PLEKHG3: variants seen among roughly 807,000 people sequenced by gnomAD.
PLEKHG3 encodes pleckstrin homology domain-containing family G member 3.
In PLEKHG3, 62 loss-of-function variants were observed where a neutral mutation model predicts 94.9. The ratio of observed to expected loss-of-function variants is 0.65; its 90% CI spans 0.53 to 0.81. The LOEUF (loss-of-function observed/expected upper bound fraction) is 0.81. PLEKHG3 is among the 30% of genes least tolerant of loss of function. The probability of loss-of-function intolerance (pLI) is 0.00; values close to 1 mark genes in which losing one functional copy is unlikely to be tolerated. For missense variants in PLEKHG3, 1,461 were observed against 1,619.3 expected, an observed-to-expected ratio of 0.90 and a Z score of 1.68; for synonymous variants, 614 against 654.0, an observed-to-expected ratio of 0.94 and a Z score of 0.93.
chr14:64,707,135 C>G (rs1428713803), intron 1 of PLEKHG3, among the ~76,000 whole-genome samples: 12 of 152,204 alleles, frequency 7.9e-5, no homozygotes, highest in Non-Finnish European at 1.2e-4. Context: ...GCTGCAAACC[C>G]GCCCTACTCC....
Position 64,731,347 on chromosome 14 carries a change from C to T in PLEKHG3, c.850-14C>T. 6.2e-7 allele frequency: 1 copy of T among 1,610,070 alleles called. No homozygotes were observed. ...AGTGGCCTGACTCTAGGGATTGGGG[C>T]CCCTCTGCTGCAGGAGATTCAGTCA... On this transcript the variant is annotated splice_polypyrimidine_tract_variant and intron_variant, in intron 7 of 16. Transcript: ENST00000247226. This position sits in a 1 kb window ranked among gnomAD's most constrained non-coding sequence, Gnocchi z 6.1.
At position 64,743,131 on chromosome 14, in the gene PLEKHG3, G is replaced by T. The variant is rs1311667711; in HGVS notation, c.3088G>T (p.Gly1030Trp). 1.9e-6 allele frequency: 3 copies of T among 1,611,664 alleles called. No homozygotes were observed. In the Admixed American group the frequency reaches 5.0e-5, roughly 27 times the overall value. ...SAVSQRTTSP[G>W]GRPSARSPLS... ...TGTCAGCCAGAGGACCACCTCGCCT[G>T]GGGGCCGGCCCTCCGCCCGGAGCCC... is the stretch of plus-strand genomic sequence containing the variant. Residue 1030 changes from glycine to tryptophan, a missense_variant, in exon 17 of 17, where the codon GGG becomes TGG. Coordinates refer to ENST00000247226, the MANE Select transcript of PLEKHG3 (RefSeq NM_001308147.2). This position sits in a 1 kb window ranked among gnomAD's most constrained non-coding sequence, Gnocchi z 7.2.
chr14:64,743,854 C>T lies in PLEKHG3; in HGVS notation c.*151C>T, dbSNP rs542036377. ...CTCCGCCCTTCAGGAAGGATGCTCC[C>T]GTGTGCAGGGGTCTCCTGCCTGTGC... On this transcript the variant is annotated 3_prime_UTR_variant, in exon 17 of 17. Transcript: ENST00000247226. The surrounding 1 kb of genome is among the most constrained non-coding windows in gnomAD (Gnocchi z 7.2). 31 of 803,092 alleles carry T rather than the reference C, an allele frequency of 3.9e-5. No individual in the cohort carries two copies. The highest frequency in any genetic ancestry group is 1.0e-4 in the African/African-American group (6 of 57,424). The allele number at this position is 803,092 out of a possible 1,614,324, so 49.7% of individuals were successfully genotyped here.
chr14:64,749,023 G>A lies in PLEKHG3; in HGVS notation c.*5320G>A, dbSNP rs2081895846. 2 of 347,730 alleles carry A rather than the reference G, an allele frequency of 5.8e-6. No homozygotes were observed. The highest frequency in any genetic ancestry group is 4.5e-5 in the African/African-American group (2 of 43,986). The allele number at this position is 347,730 out of a possible 1,614,324, so 21.5% of individuals were successfully genotyped here. A position where few individuals can be genotyped will look rare whatever the true frequency, so the allele number is the denominator to read the frequency against. On this transcript the variant is annotated 3_prime_UTR_variant, in exon 17 of 17. Transcript: ENST00000247226. The surrounding 1 kb of genome is among the most constrained non-coding windows in gnomAD (Gnocchi z 4.7). ...GTGGGAGAGGAGGGCGTGTGCCTCA[G>A]AGAACCGTTTCCTGCCCCCAGGCCT...
Position 64,728,451 on chromosome 14 carries a change from AGTTTCCTAGG to A in PLEKHG3, c.351+471_351+480del, listed in dbSNP as rs1235394216. Among the ~76,000 whole-genome samples the A allele has an allele frequency of 6.6e-6, 1 of 152,266 alleles. No homozygotes were observed. The highest frequency in any genetic ancestry group is 1.5e-5 in the Non-Finnish European group (1 of 68,046). On this transcript the variant is annotated intron_variant, in intron 2 of 16. Transcript: ENST00000247226. This position sits in a 1 kb window ranked among gnomAD's most constrained non-coding sequence, Gnocchi z 5.9. ...GCCCCACTGGCTCAGGGCGTGGATTAGTTTCCTAGGGCTGCCTTAACAAATGACCACACAC... is the reference window on the plus strand; with the variant it reads ...GCCCCACTGGCTCAGGGCGTGGATTAGCTGCCTTAACAAATGACCACACAC...
At position 64,742,983 on chromosome 14, in the gene PLEKHG3, T is replaced by C; in HGVS notation, c.2940T>C (p.Gly980=). 1 of 1,613,274 alleles carries C rather than the reference T, an allele frequency of 6.2e-7. No individual in the cohort carries two copies. The highest frequency in any genetic ancestry group is 8.5e-7 in the Non-Finnish European group (1 of 1,179,900). ...EEAGEPLGGK[G]KRKPVLSLFD... is the part of the protein sequence containing the mutation. ...AGGCAGCTTGCTCTCTCCTCATAGG[T>C]AAGAGGAAGCCGGTGCTGTCTCTAT... Residue 980 remains glycine, a splice_region_variant and synonymous_variant, in exon 17 of 17, where the codon GGT becomes GGC. Transcript: ENST00000247226.
Position 64,718,621 on chromosome 14 carries a change from T to A in PLEKHG3, c.-39-8972T>A, listed in dbSNP as rs995365916. ...AGGCACAAAGAGCCCGCTGACTTGC[T>A]CCTGATCATACAGTGGCTAGGCAGA... On this transcript the variant is annotated intron_variant, in intron 1 of 16. Coordinates refer to ENST00000247226, the MANE Select transcript of PLEKHG3 (RefSeq NM_001308147.2). This position sits in a 1 kb window ranked among gnomAD's most constrained non-coding sequence, Gnocchi z 5.0. Among the ~76,000 whole-genome samples, 1 of 152,200 alleles carries A rather than the reference T, an allele frequency of 6.6e-6. No individual in the cohort carries two copies. The highest frequency in any genetic ancestry group is 1.5e-5 in the Non-Finnish European group (1 of 68,028).
At chr14:64,706,541 A>G (rs2140293550) in intron 1 of PLEKHG3, among the ~76,000 whole-genome samples, 1 of 152,338 alleles carries the variant, frequency 6.6e-6, no homozygotes, top group East Asian at 1.9e-4. Context: ...TCCTGTTAAA[A>G]CTAAAGGGCT....
rs556176113 is a variant in PLEKHG3 at position 64,720,940 on chromosome 14, A to G, written c.-39-6653A>G. Among the ~76,000 whole-genome samples, 27 of 152,122 alleles carry G rather than the reference A, an allele frequency of 1.8e-4. No individual in the cohort carries two copies. Among genetic ancestry groups the G allele is most frequent in the African/African-American group, 6.0e-4 (25 of 41,490 alleles). On this transcript the variant is annotated intron_variant, in intron 1 of 16. Coordinates refer to ENST00000247226, the MANE Select transcript of PLEKHG3 (RefSeq NM_001308147.2). This position sits in a 1 kb window ranked among gnomAD's most constrained non-coding sequence, Gnocchi z 4.1. ...CTCTGTCCCTCTGCTTTTATTGTCA[A>G]ACTTCTGTCTGACTCTGACTCCTGC... is the stretch of plus-strand genomic sequence containing the variant.
At position 64,745,677 on chromosome 14, in the gene PLEKHG3, A is replaced by C. The variant is rs229648; in HGVS notation, c.*1974A>C. On this transcript the variant is annotated 3_prime_UTR_variant, in exon 17 of 17. Coordinates refer to ENST00000247226, the MANE Select transcript of PLEKHG3 (RefSeq NM_001308147.2). The surrounding 1 kb of genome is among the most constrained non-coding windows in gnomAD (Gnocchi z 5.0). ...CAGGGCAGCTGCCAGACCAGGGGCTATCTCTGCCCTGCGCTGCTTCTGCTC... is the reference window on the plus strand; with the variant it reads ...CAGGGCAGCTGCCAGACCAGGGGCTCTCTCTGCCCTGCGCTGCTTCTGCTC... 2 of 152,196 alleles carry C rather than the reference A, an allele frequency of 1.3e-5. No homozygotes were observed. The highest frequency in any genetic ancestry group is 4.8e-5 in the African/African-American group (2 of 41,434). 9.4% of individuals were successfully genotyped at this position (152,196 alleles called of 1,614,324 possible).
In PLEKHG3 at chr14:64,716,468, C is replaced by CACACA. The variant is rs1566693922; in HGVS notation, c.-39-11124_-39-11120dup. 3.2e-5 allele frequency among the ~76,000 whole-genome samples: 3 copies of CACACA among 92,684 alleles called. No individual in the cohort carries two copies. The highest frequency in any genetic ancestry group is 7.8e-4 in the South Asian group (2 of 2,566). 60.8% of individuals were successfully genotyped at this position (92,684 alleles called of 152,430 possible). A position where few individuals can be genotyped will look rare whatever the true frequency, so the allele number is the denominator to read the frequency against. Reference sequence around the variant, plus strand: ...CACACACACACACACACACACACAACACACACACACACAACACACACACAC... The same window carrying CACACA: ...CACACACACACACACACACACACAACACACAACACACACACACAACACACACACAC... On this transcript the variant is annotated intron_variant, in intron 1 of 16. Transcript: ENST00000247226. The surrounding 1 kb of genome is among the most constrained non-coding windows in gnomAD (Gnocchi z 5.0).
chr14:64,727,890 G>T lies in PLEKHG3; in HGVS notation c.259G>T (p.Ala87Ser). 6.2e-7 allele frequency: 1 copy of T among 1,613,028 alleles called. No homozygotes were observed. The change falls in exon 2 of 17, where the codon GCA (alanine) becomes TCA (serine). Residue 87 changes from alanine to serine, a missense_variant. Coordinates refer to ENST00000247226, the MANE Select transcript of PLEKHG3 (RefSeq NM_001308147.2). The surrounding 1 kb of genome is among the most constrained non-coding windows in gnomAD (Gnocchi z 6.0). ...PFNSRAAAGP[A>S]HHKLSYLGRV... ...CAACAGCCGGGCAGCGGCAGGGCCTGCACACCACAAGCTCAGCTACCTGGG... is the reference window on the plus strand; with the variant it reads ...CAACAGCCGGGCAGCGGCAGGGCCTTCACACCACAAGCTCAGCTACCTGGG...
At chr14:64,713,853 G>T (rs1329420437) in intron 1 of PLEKHG3, among the ~76,000 whole-genome samples, 2 of 151,464 alleles carry the variant, frequency 1.3e-5, no homozygotes, top group African/African-American at 4.9e-5. Flanking sequence ...GATTTCTTCA[G>T]TTTATCTTTC....
chr14:64,727,548 G>T lies in PLEKHG3; in HGVS notation c.-39-45G>T. ...GCAACCGTCCCTCTGTTCTGTTTCTGTGGGCATTCAGAGGTTGACCCTTCA... is the reference window on the plus strand; with the variant it reads ...GCAACCGTCCCTCTGTTCTGTTTCTTTGGGCATTCAGAGGTTGACCCTTCA... On this transcript the variant is annotated intron_variant, in intron 1 of 16. Transcript: ENST00000247226. The surrounding 1 kb of genome is among the most constrained non-coding windows in gnomAD (Gnocchi z 6.0). The T allele has an allele frequency of 1.8e-5, 8 of 450,754 alleles. No individual in the cohort carries two copies. Among genetic ancestry groups the T allele is most frequent in the South Asian group, 5.8e-5 (3 of 51,378 alleles). The allele number at this position is 450,754 out of a possible 1,614,324, so 27.9% of individuals were successfully genotyped here. A position where few individuals can be genotyped will look rare whatever the true frequency, so the allele number is the denominator to read the frequency against.
At chr14:64,724,844 C>G (rs1446207674) in intron 1 of PLEKHG3, among the ~76,000 whole-genome samples, 1 of 152,210 alleles carries the variant, frequency 6.6e-6, no homozygotes, top group Non-Finnish European at 1.5e-5. Flanking sequence ...AGTCCAGGCT[C>G]TACCACTTAC....
Position 64,715,599 on chromosome 14 carries a change from C to A in PLEKHG3, c.-40+10895C>A. On this transcript the variant is annotated intron_variant, in intron 1 of 16. Coordinates refer to ENST00000247226, the MANE Select transcript of PLEKHG3 (RefSeq NM_001308147.2). The surrounding 1 kb of genome is among the most constrained non-coding windows in gnomAD (Gnocchi z 4.4). ...GCAGAAGGGTTAATTATCCTTCAGC[C>A]TCGAGGGCCTGGGGTGGGGGAGGTG... 6.2e-6 allele frequency: 1 copy of A among 161,204 alleles called. No homozygotes were observed. The allele number at this position is 161,204 out of a possible 1,614,324, so 10.0% of individuals were successfully genotyped here.
At position 64,738,239 on chromosome 14, in the gene PLEKHG3, C is replaced by G. The variant is rs1024764946; in HGVS notation, c.1405-503C>G. On this transcript the variant is annotated intron_variant, in intron 14 of 16. Coordinates refer to ENST00000247226, the MANE Select transcript of PLEKHG3 (RefSeq NM_001308147.2). The surrounding 1 kb of genome is among the most constrained non-coding windows in gnomAD (Gnocchi z 4.8). ...GGGGCGCTATGGTGAGGTGTCTCTT[C>G]GATCTCCCCTCCTCCTTGCATGCTC... 5 of 1,279,560 alleles carry G rather than the reference C, an allele frequency of 3.9e-6. No homozygotes were observed. The highest frequency in any genetic ancestry group is 5.1e-6 in the Non-Finnish European group (5 of 981,512). 79.3% of individuals were successfully genotyped at this position (1,279,560 alleles called of 1,614,324 possible). A position where few individuals can be genotyped will look rare whatever the true frequency, so the allele number is the denominator to read the frequency against.
Position 64,749,505 on chromosome 14 carries a change from AG to A in PLEKHG3, c.*5804del. On this transcript the variant is annotated 3_prime_UTR_variant, in exon 17 of 17. Transcript: ENST00000247226. This position sits in a 1 kb window ranked among gnomAD's most constrained non-coding sequence, Gnocchi z 4.7. Reference sequence around the variant, plus strand: ...GGCGGAGGGTCACGGTGGAGTCTGGAGGCCCACAGCCCCCCACCTCCCGGGC... The same window carrying A: ...GGCGGAGGGTCACGGTGGAGTCTGGAGCCCACAGCCCCCCACCTCCCGGGC... 1 of 1,597,758 alleles carries A rather than the reference AG, an allele frequency of 6.3e-7. No individual in the cohort carries two copies. The highest frequency in any genetic ancestry group is 8.5e-7 in the Non-Finnish European group (1 of 1,177,672).
chr14:64,715,990 C>T lies in PLEKHG3; in HGVS notation c.-40+11286C>T, dbSNP rs2081134976. ...TGTTGGTGGCAGCTCGCTGCTCACC[C>T]CAAGCCTGTTAACTGCTAGGTTGCC... On this transcript the variant is annotated intron_variant, in intron 1 of 16. Transcript: ENST00000247226. This position sits in a 1 kb window ranked among gnomAD's most constrained non-coding sequence, Gnocchi z 4.4. 2.2e-6 allele frequency: 1 copy of T among 455,344 alleles called. No individual in the cohort carries two copies. The highest frequency in any genetic ancestry group is 4.4e-6 in the Non-Finnish European group (1 of 226,764). 28.2% of individuals were successfully genotyped at this position (455,344 alleles called of 1,614,324 possible).
Sources: allele counts gnomAD v4.1 joint callset (sites outside exome capture counted in the v4.1 genomes callset), GRCh38; gene constraint gnomAD v4.1.1; non-coding constraint Gnocchi (gnomAD v3.1); transcripts MANE v1.5; gene names NCBI Gene and HGNC (gene_info 2026-07-23, HGNC 2026-07-21).